The following NRP2 variants were observed in gnomAD, a reference collection of about 807,000 sequenced individuals.
The protein encoded by NRP2 is neuropilin-2.
In NRP2, 52 loss-of-function variants were observed where a neutral mutation model predicts 110.4. The observed-to-expected ratio is 0.47, with a 90% CI of 0.38 to 0.59. NRP2 has a LOEUF of 0.59. Among genes scored for constraint, NRP2 ranks in the 20% least tolerant of loss-of-function variants. The pLI is 0.00. For synonymous variants in NRP2, 508 were observed against 468.9 expected, an observed-to-expected ratio of 1.08 and a Z score of -1.08; for missense variants, 1,049 against 1,203.0, an observed-to-expected ratio of 0.87 and a Z score of 1.89.
chr2:205,738,196 A>G (rs1228961854), intron 7 of NRP2, among the ~76,000 whole-genome samples: 1 of 152,158 alleles, frequency 6.6e-6, no homozygotes, highest in Non-Finnish European at 1.5e-5. Context: ...CAACTTTCCA[A>G]TTATGCATTC....
intron 15 of NRP2, among the ~76,000 whole-genome samples, chr2:205,789,385 TTCTAGAGGTTTGGCCCATTCC>T (rs1394989685): frequency 6.6e-6 from 1 of 152,172 alleles, no homozygotes; most frequent in African/African-American, 2.4e-5. Context: ...ACCTGCATTC[TTCTAGAGGTTTGGCCCATTCC>T]ACTCTCCCTA....
At position 205,697,559 on chromosome 2, in the gene NRP2, G is replaced by A. The variant is rs764737738; in HGVS notation, c.89G>A (p.Gly30Asp). 1.9e-6 allele frequency: 3 copies of A among 1,614,044 alleles called. No individual in the cohort carries two copies. The highest frequency in any genetic ancestry group is 2.5e-6 in the Non-Finnish European group (3 of 1,180,004). The change falls in exon 2 of 17, where the codon GGT becomes GAT. Residue 30 changes from glycine (G) to aspartate (D), a missense_variant. Gly to Asp is a moderately conservative substitution (Grantham distance 94, BLOSUM62 -1). Transcript: ENST00000357785. ...TCTCTTTCAGACCCACCGTGCGGAG[G>A]TCGTTTGAATTCCAAAGATGCTGGC... is the stretch of plus-strand genomic sequence containing the variant. ...VRGQPDPPCGGRLNSKDAGYI... is the reference protein window; with the variant it reads ...VRGQPDPPCGDRLNSKDAGYI...
At chr2:205,693,253 A>T (rs1469632866) in intron 1 of NRP2, among the ~76,000 whole-genome samples, 1 of 152,254 alleles carries the variant, frequency 6.6e-6, no homozygotes, top group Non-Finnish European at 1.5e-5. Context: ...GCCCTCAGGT[A>T]TACATAGGAA....
intron 7 of NRP2, among the ~76,000 whole-genome samples, chr2:205,739,297 TCA>T (rs2105862210): frequency 6.6e-6 from 1 of 152,348 alleles, no homozygotes; most frequent in African/African-American, 2.4e-5. Context: ...TCTCTGAGCC[TCA>T]GTTTCCTTAT....
intron 3 of NRP2, 36 bp downstream of exon 3, chr2:205,716,410 C>A (rs768418889): frequency 1.9e-6 from 3 of 1,608,364 alleles, no homozygotes; most frequent in South Asian, 1.1e-5. Flanking sequence ...GGGAGATGGG[C>A]GTCTTAGAGA....
chr2:205,777,184 A>G (rs2058113637), intron 15 of NRP2: 3 of 980,602 alleles, frequency 3.1e-6, no homozygotes, highest in South Asian at 9.4e-5. Context: ...GTTGGCTGTC[A>G]TTGTCATCTC....
chr2:205,724,058 G>C (rs1487232759), intron 5 of NRP2, 118 bp downstream of exon 5: 12 of 1,178,604 alleles, frequency 1.0e-5, no homozygotes, highest in Non-Finnish European at 1.5e-5. Context: ...GGAATTTATG[G>C]TGGCATCTGA....
chr2:205,713,005 T>C (rs1034431122), intron 2 of NRP2, among the ~76,000 whole-genome samples: 5 of 152,226 alleles, frequency 3.3e-5, no homozygotes, highest in Non-Finnish European at 7.3e-5. Flanking sequence ...CCCTTCTCTA[T>C]ATGTGTGTTA....
At chr2:205,694,815 G>A (rs902838646) in intron 1 of NRP2, among the ~76,000 whole-genome samples, 2 of 152,192 alleles carry the variant, frequency 1.3e-5, no homozygotes, top group African/African-American at 4.8e-5. Flanking sequence ...GTTATCAAGA[G>A]GAGAAGTAGA....
chr2:205,761,756 C>A (rs567072293), intron 12 of NRP2, among the ~76,000 whole-genome samples: 1 of 152,304 alleles, frequency 6.6e-6, no homozygotes, highest in South Asian at 2.1e-4. Context: ...GGTGGAAAAC[C>A]TGCAGTCAGG....
Position 205,766,807 on chromosome 2 carries a change from A to G in NRP2, c.2425+4A>G, listed in dbSNP as rs1395539619. ...GAACCCATCTCGGCTTTTGCAGGTG[A>G]GAATTTTAAAGGTAAAAAAAAATTT... is the stretch of plus-strand genomic sequence containing the variant. On this transcript the variant is annotated splice_donor_region_variant and intron_variant, in intron 15 of 16. Coordinates refer to ENST00000357785, the MANE Select transcript of NRP2 (RefSeq NM_003872.3). 6.2e-7 allele frequency: 1 copy of G among 1,612,236 alleles called. No individual in the cohort carries two copies. The highest frequency in any genetic ancestry group is 2.2e-5 in the East Asian group (1 of 44,880).
rs144584802 is a variant in NRP2, at chr2:205,726,507, G to C, written c.990+425G>C. ...TTCTCATGATCTTTGCTATTGGAGA[G>C]AGCCCTGCCAGGAAGGTTTTGCACA... is the stretch of plus-strand genomic sequence containing the variant. On this transcript the variant is annotated intron_variant, in intron 6 of 16. Transcript: ENST00000357785. Among the ~76,000 whole-genome samples, 25 of 152,282 alleles carry C rather than the reference G, an allele frequency of 1.6e-4. No individual in the cohort carries two copies. The East Asian group carries it at 4.4e-3, about 27-fold the overall frequency.
intron 1 of NRP2, among the ~76,000 whole-genome samples, chr2:205,692,726 T>C (rs933756837): frequency 6.6e-6 from 1 of 152,210 alleles, no homozygotes; most frequent in Admixed American, 6.5e-5. Flanking sequence ...GTTTCAGGCT[T>C]ACCAAGCAGA....
chr2:205,781,263 A>G (rs549340816), intron 15 of NRP2, among the ~76,000 whole-genome samples: 5 of 152,370 alleles, frequency 3.3e-5, no homozygotes, highest in African/African-American at 1.2e-4. Flanking sequence ...TTAGATGTCA[A>G]ACAGGGCACT....
rs148784277 is a variant in NRP2, at chr2:205,729,633, G to C, written c.1146+1587G>C. 2.2e-3 allele frequency among the ~76,000 whole-genome samples: 332 copies of C among 152,284 alleles called. 1 individual carries two copies. Among genetic ancestry groups the C allele is most frequent in the Middle Eastern group, 3.4e-3 (1 of 294 alleles). ...ATGACTAAGCAGCACAGGCCCAGAG[G>C]GATACTGTAGCATAAGCTGTTTTAA... On this transcript the variant is annotated intron_variant, in intron 7 of 16. Coordinates refer to ENST00000357785, the MANE Select transcript of NRP2 (RefSeq NM_003872.3).
intron 3 of NRP2, among the ~76,000 whole-genome samples, 162 bp downstream of exon 3, chr2:205,716,536 C>T (rs1380290777): frequency 1.6e-5 from 2 of 122,976 alleles, no homozygotes; most frequent in Non-Finnish European, 3.1e-5. Context: ...GAAGAAGAGC[C>T]AGCTCAGATT....
At chr2:205,753,175 T>C (rs1575631186) in intron 12 of NRP2, among the ~76,000 whole-genome samples, 200 bp downstream of exon 12, 2 of 152,250 alleles carry the variant, frequency 1.3e-5, no homozygotes, top group East Asian at 3.9e-4. Context: ...CTCTTGTGAT[T>C]ACAGCACAGC....
chr2:205,776,000 T>A, intron 15 of NRP2: 1 of 684,598 alleles, frequency 1.5e-6, no homozygotes, highest in South Asian at 1.5e-5. Context: ...TTAACCTCTC[T>A]CCACCTCTGT....
At chr2:205,748,869 C>T (rs143223036) in intron 10 of NRP2, among the ~76,000 whole-genome samples, 33 of 152,296 alleles carry the variant, frequency 2.2e-4, no homozygotes, top group Non-Finnish European at 3.5e-4. Context: ...GAATGACGGG[C>T]ATGAGCAAAT....
Sources: allele counts gnomAD v4.1 joint callset (sites outside exome capture counted in the v4.1 genomes callset), GRCh38; gene constraint gnomAD v4.1.1; transcripts MANE v1.5; gene names NCBI Gene and HGNC (gene_info 2026-07-23, HGNC 2026-07-21).